Variants in CDH23 observed in about 807,000 individuals in gnomAD.
The protein encoded by CDH23 is cadherin-23.
In CDH23, 189 loss-of-function variants were observed where a neutral mutation model predicts 317.1. The observed-to-expected ratio is 0.60, with a 90% confidence interval of 0.53 to 0.67. The LOEUF (loss-of-function observed/expected upper bound fraction) is 0.67. Ranked by LOEUF, CDH23 falls within the 30% of genes least tolerant of loss-of-function variation. The pLI, the probability that CDH23 is intolerant of heterozygous loss-of-function variation, is 0.00. For synonymous variants in CDH23, 1,839 were observed against 1,876.8 expected (o/e 0.98, Z 0.52); for missense variants, 4,401 against 4,592.4 (o/e 0.96, Z 1.20).
intron 66 of CDH23, 71 bp downstream of exon 66, chr10:71,812,086 A>C: frequency 3.1e-6 from 5 of 1,611,836 alleles, no homozygotes; most frequent in Non-Finnish European, 4.2e-6. Context: ...GGAGAGCTGC[A>C]GTCTCCCAGC....
At chr10:71,701,849 C>A (rs769701483) in intron 22 of CDH23, among the ~76,000 whole-genome samples, 173 bp from the exon 23 acceptor site, 162 of 152,296 alleles carry the variant, frequency 1.1e-3, no homozygotes, top group Non-Finnish European at 2.1e-3. Flanking sequence ...GAACTCCTGC[C>A]TCCCAGCCCT....
chr10:71,599,560 G>T (rs1321278214), intron 9 of CDH23, among the ~76,000 whole-genome samples: 1 of 152,138 alleles, frequency 6.6e-6, no homozygotes, highest in Non-Finnish European at 1.5e-5. Flanking sequence ...GATAAGATTG[G>T]CAAAATTTTG....
intron 3 of CDH23, among the ~76,000 whole-genome samples, chr10:71,494,990 C>A (rs374694518): frequency 6.6e-6 from 1 of 152,238 alleles, no homozygotes; most frequent in East Asian, 1.9e-4. Context: ...AGCCTGAAGG[C>A]GCTTGCTCAC....
chr10:71,490,719 A>G (rs1852607699), intron 3 of CDH23, among the ~76,000 whole-genome samples: 1 of 152,248 alleles, frequency 6.6e-6, no homozygotes, highest in Non-Finnish European at 1.5e-5. Flanking sequence ...CACTTATTGA[A>G]CATGGACTTA....
chr10:71,410,350 A>G (rs571757533), intron 1 of CDH23, among the ~76,000 whole-genome samples: 1 of 152,082 alleles, frequency 6.6e-6, no homozygotes, highest in Non-Finnish European at 1.5e-5. Context: ...CTGTAGGTTG[A>G]GGGGGTGCAG....
At chr10:71,666,698 T>C (rs1260546520) in intron 14 of CDH23, among the ~76,000 whole-genome samples, 3 of 152,100 alleles carry the variant, frequency 2.0e-5, no homozygotes, top group Non-Finnish European at 4.4e-5. Flanking sequence ...TCCACAGCAC[T>C]ATGGGAGGGA....
chr10:71,680,609 G>A (rs1332540995), intron 17 of CDH23, among the ~76,000 whole-genome samples: 2 of 151,846 alleles, frequency 1.3e-5, no homozygotes, highest in South Asian at 2.1e-4. Flanking sequence ...TTGGCCAGGC[G>A]TGGTGGTGTG....
chr10:71,592,062 G>T (rs1475642007), intron 9 of CDH23, among the ~76,000 whole-genome samples: 3 of 152,246 alleles, frequency 2.0e-5, no homozygotes, highest in Admixed American at 2.0e-4. Flanking sequence ...TGAACAGACT[G>T]ACCAGACTGC....
intron 11 of CDH23, among the ~76,000 whole-genome samples, chr10:71,630,681 C>T (rs752837977): frequency 3.3e-5 from 5 of 152,196 alleles, no homozygotes; most frequent in African/African-American, 4.8e-5. Context: ...CAGATGGAGA[C>T]GCCAAGAAGG....
At chr10:71,680,829 C>CTTTTTTTTTTTTTTTTT (rs1312991062) in intron 17 of CDH23, among the ~76,000 whole-genome samples, 1 of 70,132 alleles carries the variant, frequency 1.4e-5, no homozygotes, top group Non-Finnish European at 2.5e-5. Context: ...TTTTCTTTTT[C>CTTTTTTTTTTTTTTTTT]TTTTTTTTTT....
In CDH23 at chr10:71,809,931, T is replaced by G. The variant is rs1841867335; in HGVS notation, c.8834T>G (p.Ile2945Ser). ...RDLAGHNDTA[I>S]IGIYILRDDQ... ...CTGGCAGGCCACAACGACACGGCCA[T>G]CATCGGCATCTACATCCTGAGGGAC... Residue 2945 changes from isoleucine to serine, a missense_variant, in exon 61 of 70, where the codon ATC (isoleucine) becomes AGC (serine). Around this residue, in one of 3 missense-constraint regions of CDH23, gnomAD observed 1,144 missense variants for 1,138.2 expected, o/e 1.01. Transcript: ENST00000224721. The G allele has an allele frequency of 6.2e-7, 1 of 1,612,874 alleles. No homozygotes were observed. Among genetic ancestry groups the G allele is most frequent in the Non-Finnish European group, 8.5e-7 (1 of 1,179,880 alleles).
At chr10:71,783,095 C>A (rs1172690167) in intron 41 of CDH23, among the ~76,000 whole-genome samples, 1 of 152,212 alleles carries the variant, frequency 6.6e-6, no homozygotes, top group African/African-American at 2.4e-5. Context: ...TGGGCCCTTC[C>A]CCCTAAGTAT....
At chr10:71,782,668 G>T (rs1309024591) in intron 41 of CDH23, among the ~76,000 whole-genome samples, 1 of 152,248 alleles carries the variant, frequency 6.6e-6, no homozygotes, top group Non-Finnish European at 1.5e-5. Context: ...AGTGGTGCTG[G>T]TGTCTCCTCC....
At chr10:71,607,996 G>A (rs958931847) in intron 9 of CDH23, among the ~76,000 whole-genome samples, 1 of 152,214 alleles carries the variant, frequency 6.6e-6, no homozygotes, top group African/African-American at 2.4e-5. Context: ...CACAATAAGT[G>A]CCTTACGTAC....
chr10:71,774,953 A>G (rs1192379948), intron 38 of CDH23, among the ~76,000 whole-genome samples: 2 of 152,154 alleles, frequency 1.3e-5, no homozygotes, highest in Non-Finnish European at 2.9e-5. Context: ...AGGGAAGGCT[A>G]CAACAGAGGA....
chr10:71,545,683 G>T (rs770729245), intron 6 of CDH23, among the ~76,000 whole-genome samples: 1 of 152,156 alleles, frequency 6.6e-6, no homozygotes, highest in African/African-American at 2.4e-5. Context: ...TTCATCTAGT[G>T]GGGGAGACAA....
At chr10:71,623,125 A>G (rs1861547331) in intron 11 of CDH23, among the ~76,000 whole-genome samples, 1 of 152,088 alleles carries the variant, frequency 6.6e-6, no homozygotes, top group Non-Finnish European at 1.5e-5. Context: ...CAGTGGGGAG[A>G]CAGAATTGCA....
chr10:71,458,821 T>C (rs1471385481), intron 3 of CDH23, among the ~76,000 whole-genome samples: 1 of 152,230 alleles, frequency 6.6e-6, no homozygotes. Context: ...GGAGTCTCGC[T>C]CTGTTTCCTG....
intron 9 of CDH23, among the ~76,000 whole-genome samples, chr10:71,590,252 C>A (rs1348933192): frequency 6.6e-6 from 1 of 152,256 alleles, no homozygotes; most frequent in Non-Finnish European, 1.5e-5. Flanking sequence ...CAGATATTTT[C>A]AGACATTCAT....
Sources: allele counts gnomAD v4.1 joint callset (sites outside exome capture counted in the v4.1 genomes callset), GRCh38; gene constraint gnomAD v4.1.1; regional missense constraint gnomAD v4.1.1; transcripts MANE v1.5; gene names NCBI Gene and HGNC (gene_info 2026-07-23, HGNC 2026-07-21).